Variants in SIGLEC7 observed in about 807,000 individuals in gnomAD.
SIGLEC7 encodes the protein sialic acid-binding Ig-like lectin 7.
Under a neutral mutation model 40.8 loss-of-function variants are expected in SIGLEC7, and 33 were observed. The observed-to-expected ratio is 0.81, with a 90% CI of 0.61 to 1.08. SIGLEC7 has a LOEUF of 1.08. Ranked by LOEUF, SIGLEC7 falls within the 50% of genes least tolerant of loss-of-function variation. SIGLEC7 has a pLI of 0.00. For missense variants in SIGLEC7, 513 were observed against 576.1 expected (o/e 0.89, Z 1.12); for synonymous variants, 242 against 237.6 (o/e 1.02, Z -0.17).
At chr19:51,146,262 A>G (rs1003316423) in intron 4 of SIGLEC7, 141 bp downstream of exon 4, 2 of 1,135,788 alleles carry the variant, frequency 1.8e-6, no homozygotes, top group African/African-American at 1.6e-5. Context: ...AACCCAGGGC[A>G]CTGCTGTCCT....
intron 6 of SIGLEC7, among the ~76,000 whole-genome samples, chr19:51,149,838 A>C (rs1207767013): frequency 6.6e-6 from 1 of 152,100 alleles, no homozygotes; most frequent in East Asian, 1.9e-4. Flanking sequence ...AGTGTTTTGT[A>C]ATTCTCATTG....
At chr19:51,151,658 G>A (rs1442066110) in intron 6 of SIGLEC7, among the ~76,000 whole-genome samples, 1 of 152,224 alleles carries the variant, frequency 6.6e-6, no homozygotes, top group Non-Finnish European at 1.5e-5. Flanking sequence ...TCCTATAGTT[G>A]AGTCAAGAAG....
chr19:51,147,061 G>A (rs529323620), intron 5 of SIGLEC7, 160 bp from the exon 6 acceptor site: 7 of 1,182,262 alleles, frequency 5.9e-6, no homozygotes, highest in South Asian at 2.8e-5. Flanking sequence ...CAGGAGGCAG[G>A]AGCCTCTGTT....
rs763140674 is a variant in SIGLEC7, at chr19:51,146,111, G to A, written c.1017G>A (p.Gln339=). Residue 339 remains glutamine, a synonymous_variant, in exon 4 of 7, where the codon CAG becomes CAA. Coordinates refer to ENST00000317643, the MANE Select transcript of SIGLEC7 (RefSeq NM_014385.4). ...QHVSLNLSLQ[Q]EYTGKMRPVS... ...TTTCCCTGAACCTCTCCCTGCAACAGGAGTACACAGGTGGGTAAGGGAGGG... is the reference window on the plus strand; with the variant it reads ...TTTCCCTGAACCTCTCCCTGCAACAAGAGTACACAGGTGGGTAAGGGAGGG... 1.2e-6 allele frequency: 2 copies of A among 1,614,030 alleles called. No homozygotes were observed. Among genetic ancestry groups the A allele is most frequent in the Non-Finnish European group, 1.7e-6 (2 of 1,179,894 alleles).
intron 6 of SIGLEC7, among the ~76,000 whole-genome samples, chr19:51,152,155 T>C (rs1268018801): frequency 6.6e-6 from 1 of 152,186 alleles, no homozygotes; most frequent in African/African-American, 2.4e-5. Flanking sequence ...TTTCTCACCC[T>C]TTCTGGCTTC....
intron 4 of SIGLEC7, 78 bp downstream of exon 4, chr19:51,146,199 G>C: frequency 6.5e-7 from 1 of 1,548,986 alleles, no homozygotes; most frequent in Admixed American, 1.7e-5. Context: ...TGAGCTTCAA[G>C]GGGGAGCTCA....
rs2092104001 is a variant in SIGLEC7 at position 51,145,846 on chromosome 19, T to C, written c.761-9T>C. On this transcript the variant is annotated splice_polypyrimidine_tract_variant and intron_variant, in intron 3 of 6. Transcript: ENST00000317643. The surrounding 1 kb of genome is among the most constrained non-coding windows in gnomAD (Gnocchi z 4.3). ...TTGTCTCTTTGAACCTCCAACTTTT[T>C]CTCTACAGCATCCACAGCTCTGGGG... 2 of 1,613,800 alleles carry C rather than the reference T, an allele frequency of 1.2e-6. No individual in the cohort carries two copies. The highest frequency in any genetic ancestry group is 8.5e-7 in the Non-Finnish European group (1 of 1,179,834).
rs770421018 is a variant in SIGLEC7 at position 51,142,604 on chromosome 19, G to A, written c.235G>A (p.Ala79Thr). The part of the protein sequence containing the change: ...GNDISWKAPV[A>T]TNNPAWAVQE... Reference sequence around the variant, plus strand: ...TGATATAAGCTGGAAGGCTCCAGTGGCCACAAACAACCCAGCTTGGGCAGT... The same window carrying A: ...TGATATAAGCTGGAAGGCTCCAGTGACCACAAACAACCCAGCTTGGGCAGT... The change falls in exon 1 of 7, where the codon GCC becomes ACC. Residue 79 changes from alanine to threonine, a missense_variant. By Grantham distance (58) the Ala-to-Thr change is moderately conservative. Coordinates refer to ENST00000317643, the MANE Select transcript of SIGLEC7 (RefSeq NM_014385.4). The surrounding 1 kb of genome is among the most constrained non-coding windows in gnomAD (Gnocchi z 5.0). 1.2e-6 allele frequency: 2 copies of A among 1,614,176 alleles called. No individual in the cohort carries two copies. Among genetic ancestry groups the A allele is most frequent in the Non-Finnish European group, 1.7e-6 (2 of 1,180,038 alleles).
chr19:51,146,720 T>G, intron 4 of SIGLEC7, 34 bp from the exon 5 acceptor site: 4 of 1,587,098 alleles, frequency 2.5e-6, no homozygotes, highest in Non-Finnish European at 3.5e-6. Context: ...GTTCTTGGAG[T>G]TGGATCACCA....
intron 6 of SIGLEC7, among the ~76,000 whole-genome samples, chr19:51,150,118 C>T (rs2092134586): frequency 6.6e-6 from 1 of 152,152 alleles, no homozygotes. Flanking sequence ...TCCTCTCTTC[C>T]TATTTGGATG....
Position 51,144,644 on chromosome 19 carries a change from C to T in SIGLEC7, c.672C>T (p.Ala224=), listed in dbSNP as rs748197331. 24 of 1,613,790 alleles carry T rather than the reference C, an allele frequency of 1.5e-5. No individual in the cohort carries two copies. The highest frequency in any genetic ancestry group is 1.3e-4 in the Admixed American group (8 of 60,000). Residue 224 remains alanine (A), a synonymous_variant, in exon 2 of 7, where the codon GCC becomes GCT. Coordinates refer to ENST00000317643, the MANE Select transcript of SIGLEC7 (RefSeq NM_014385.4). ...SLTCQVTLPG[A]GVTTNRTIQL... ...CCTGTCAGGTGACCTTGCCTGGGGC[C>T]GGCGTGACCACGAACAGGACCATCC...
rs563757040 is a variant in SIGLEC7 at position 51,143,456 on chromosome 19, G to A, written c.433+654G>A. ...CAGAGGCCGGGAGGGCAGGACCTAC[G>A]TGTCTGGTGCAGGCCCTGGTGCTCC... On this transcript the variant is annotated intron_variant, in intron 1 of 6. Coordinates refer to ENST00000317643, the MANE Select transcript of SIGLEC7 (RefSeq NM_014385.4). Among the ~76,000 whole-genome samples, 17 of 152,258 alleles carry A rather than the reference G, an allele frequency of 1.1e-4. No homozygotes were observed. The South Asian group carries it at 2.7e-3, about 24-fold the overall frequency.
In SIGLEC7 at chr19:51,151,595, C is replaced by CA. The variant is rs2092143977; in HGVS notation, c.1222-1466dup. Among the ~76,000 whole-genome samples the CA allele has an allele frequency of 1.9e-4, 29 of 152,250 alleles. 2 individuals are homozygous for CA. In the South Asian group the frequency reaches 6.0e-3, roughly 32 times the overall value. ...TATTTAAGGTCAGGGAGACCTGAAG[C>CA]AATTGGCAAAGAGGTTGCCAAGAAG... is the stretch of plus-strand genomic sequence containing the variant. On this transcript the variant is annotated intron_variant, in intron 6 of 6. Transcript: ENST00000317643.
At chr19:51,144,810 G>T in intron 2 of SIGLEC7, 102 bp from the exon 3 acceptor site, 1 of 1,580,064 alleles carries the variant, frequency 6.3e-7, no homozygotes, top group Non-Finnish European at 8.7e-7. Flanking sequence ...GGGATCAGGA[G>T]GACGCTGGCT....
rs750564704 is a variant in SIGLEC7 at position 51,145,912 on chromosome 19, G to A, written c.818G>A (p.Arg273His). 1.7e-5 allele frequency: 28 copies of A among 1,614,082 alleles called. No individual in the cohort carries two copies. The highest frequency in any genetic ancestry group is 2.2e-5 in the South Asian group (2 of 91,086). ...TCAGTCCTAGAGGGCCAGTCTCTGC[G>A]CTTGGTCTGTGCTGTTGACAGCAAT... The part of the protein sequence containing the change: ...SLSVLEGQSL[R>H]LVCAVDSNPP... Residue 273 changes from arginine (R) to histidine (H), a missense_variant, in exon 4 of 7, where the codon CGC becomes CAC. Transcript: ENST00000317643. This position sits in a 1 kb window ranked among gnomAD's most constrained non-coding sequence, Gnocchi z 4.3.
At chr19:51,143,248 A>G (rs1049202681) in intron 1 of SIGLEC7, among the ~76,000 whole-genome samples, 9 of 151,800 alleles carry the variant, frequency 5.9e-5, no homozygotes, top group Non-Finnish European at 1.3e-4. Flanking sequence ...GGTCTACACA[A>G]CCCCGTGACT....
At chr19:51,150,218 T>C (rs1180707958) in intron 6 of SIGLEC7, among the ~76,000 whole-genome samples, 2 of 152,244 alleles carry the variant, frequency 1.3e-5, no homozygotes, top group Non-Finnish European at 2.9e-5. Context: ...ATCCTTGTCT[T>C]GTGCTGGCTT....
In SIGLEC7 at chr19:51,144,959, G is replaced by T; in HGVS notation, c.760G>T (p.Ala254Ser). 2.5e-6 allele frequency: 4 copies of T among 1,614,084 alleles called. No individual in the cohort carries two copies. The African/African-American group carries it at 4.0e-5, about 16-fold the overall frequency. ...GACTGTCTTCCAAGGAGAAGGCACAGGTAGGATGGAGCCCCCTCCCTGGGG... is the reference window on the plus strand; with the variant it reads ...GACTGTCTTCCAAGGAGAAGGCACATGTAGGATGGAGCCCCCTCCCTGGGG... The part of the protein sequence containing the change: ...TVTVFQGEGT[A>S]STALGNSSSL... The change falls in exon 3 of 7, where the codon GCA becomes TCA. Residue 254 changes from alanine (A) to serine (S), a missense_variant and splice_region_variant. Ala to Ser is a moderately conservative substitution (Grantham distance 99, BLOSUM62 1). Coordinates refer to ENST00000317643, the MANE Select transcript of SIGLEC7 (RefSeq NM_014385.4).
chr19:51,145,007 T>C lies in SIGLEC7; in HGVS notation c.760+48T>C. The C allele has an allele frequency of 6.4e-7, 1 of 1,574,764 alleles. No individual in the cohort carries two copies. Among genetic ancestry groups the C allele is most frequent in the African/African-American group, 1.3e-5 (1 of 74,214 alleles). ...GGGCTGGGGGAGCAGGGCCTTCAGCTCAGGGCAGGGCCAGGTCCCTCCTCA... is the reference window on the plus strand; with the variant it reads ...GGGCTGGGGGAGCAGGGCCTTCAGCCCAGGGCAGGGCCAGGTCCCTCCTCA... On this transcript the variant is annotated intron_variant, in intron 3 of 6. Transcript: ENST00000317643. The surrounding 1 kb of genome is among the most constrained non-coding windows in gnomAD (Gnocchi z 4.3).
Sources: allele counts gnomAD v4.1 joint callset (sites outside exome capture counted in the v4.1 genomes callset), GRCh38; gene constraint gnomAD v4.1.1; non-coding constraint Gnocchi (gnomAD v3.1); transcripts MANE v1.5; gene names NCBI Gene and HGNC (gene_info 2026-07-23, HGNC 2026-07-21).